Variants in OSBPL3 observed in about 807,000 individuals in gnomAD.
The protein encoded by OSBPL3 is oxysterol-binding protein-related protein 3.
Under a neutral mutation model 120.1 loss-of-function variants are expected in OSBPL3, and 65 were observed. The ratio of observed to expected loss-of-function variants is 0.54; its 90% CI spans 0.44 to 0.67. The LOEUF (loss-of-function observed/expected upper bound fraction) is 0.67. OSBPL3 is among the 30% of genes least tolerant of loss of function. The pLI is 0.00. For synonymous variants in OSBPL3, 416 were observed against 402.6 expected, an observed-to-expected ratio of 1.03 and a Z score of -0.40; for missense variants, 1,004 against 1,082.1, an observed-to-expected ratio of 0.93 and a Z score of 1.01.
Position 24,894,910 on chromosome 7 carries a change from CCAATAGCTAT to C in OSBPL3, c.-149-2299_-149-2290del, listed in dbSNP as rs1805907258. On this transcript the variant is annotated intron_variant, in intron 1 of 22. Coordinates refer to ENST00000313367, the MANE Select transcript of OSBPL3 (RefSeq NM_015550.4). This position sits in a 1 kb window ranked among gnomAD's most constrained non-coding sequence, Gnocchi z 4.1. Reference sequence around the variant, plus strand: ...ACAGCCAGGACTTAGTAGGCCAAATCCAATAGCTATCAAAGTTGGCACTTAGAGCCAAGGG... The same window carrying C: ...ACAGCCAGGACTTAGTAGGCCAAATCCAAAGTTGGCACTTAGAGCCAAGGG... Among the ~76,000 whole-genome samples, 1 of 152,266 alleles carries C rather than the reference CCAATAGCTAT, an allele frequency of 6.6e-6. No individual in the cohort carries two copies. The highest frequency in any genetic ancestry group is 1.9e-4 in the East Asian group (1 of 5,166).
intron 1 of OSBPL3, among the ~76,000 whole-genome samples, chr7:24,905,790 G>C (rs1256890703): frequency 6.6e-6 from 1 of 152,194 alleles, no homozygotes; most frequent in Non-Finnish European, 1.5e-5. Context: ...CAGCACTTCG[G>C]GAGGCCGAGG....
At chr7:24,904,240 A>G (rs1414620483) in intron 1 of OSBPL3, among the ~76,000 whole-genome samples, 1 of 152,190 alleles carries the variant, frequency 6.6e-6, no homozygotes, top group East Asian at 1.9e-4. Flanking sequence ...CCTAACAAAG[A>G]CAGTAGTTTT....
intron 22 of OSBPL3, among the ~76,000 whole-genome samples, chr7:24,801,863 T>G (rs1331739901): frequency 6.6e-6 from 1 of 152,254 alleles, no homozygotes; most frequent in Non-Finnish European, 1.5e-5. Context: ...TATACAGTTG[T>G]ATGATATTCC....
chr7:24,829,827 T>C lies in OSBPL3; in HGVS notation c.1884+941A>G, dbSNP rs554098771. Among the ~76,000 whole-genome samples, 6 of 152,324 alleles carry C rather than the reference T, an allele frequency of 3.9e-5. No individual in the cohort carries two copies. The East Asian group carries it at 5.8e-4, about 15-fold the overall frequency. ...TCTATTTTAGGTAAATAATCCCCTGTTGACAAGCATTTTAGATGTTCCCAA... is the reference window on the plus strand; with the variant it reads ...TCTATTTTAGGTAAATAATCCCCTGCTGACAAGCATTTTAGATGTTCCCAA... On this transcript the variant is annotated intron_variant, in intron 16 of 22. Transcript: ENST00000313367.
intron 1 of OSBPL3, among the ~76,000 whole-genome samples, chr7:24,923,590 G>C (rs1422492724): frequency 6.6e-6 from 1 of 152,050 alleles, no homozygotes; most frequent in Non-Finnish European, 1.5e-5. Context: ...GAGACTAAAA[G>C]ATAAGAGAGA....
chr7:24,907,776 G>T (rs1211545996), intron 1 of OSBPL3, among the ~76,000 whole-genome samples: 1 of 152,176 alleles, frequency 6.6e-6, no homozygotes, highest in African/African-American at 2.4e-5. Flanking sequence ...CTACCTGAAA[G>T]TATTAGTCAC....
rs943279514 is a variant in OSBPL3 at position 24,819,636 on chromosome 7, A to C, written c.1948+539T>G. ...ATGTATATGTGCTCACTGTCCAAAA[A>C]CCTAGGATGCTTATATGTTCCTTCT... On this transcript the variant is annotated intron_variant, in intron 17 of 22. Coordinates refer to ENST00000313367, the MANE Select transcript of OSBPL3 (RefSeq NM_015550.4). The surrounding 1 kb of genome is among the most constrained non-coding windows in gnomAD (Gnocchi z 4.1). 6.6e-6 allele frequency among the ~76,000 whole-genome samples: 1 copy of C among 152,094 alleles called. No individual in the cohort carries two copies. Among genetic ancestry groups the C allele is most frequent in the Non-Finnish European group, 1.5e-5 (1 of 68,024 alleles).
Position 24,879,277 on chromosome 7 carries a change from C to A in OSBPL3, c.97-7208G>T, listed in dbSNP as rs1024474461. On this transcript the variant is annotated intron_variant, in intron 2 of 22. Transcript: ENST00000313367. This position sits in a 1 kb window ranked among gnomAD's most constrained non-coding sequence, Gnocchi z 5.6. ...AGCAGCATTTGCATTAGCTCTATAA[C>A]CTCAAGTACAATCCCTGACTTTGGG... is the stretch of plus-strand genomic sequence containing the variant. 6.6e-6 allele frequency among the ~76,000 whole-genome samples: 1 copy of A among 152,186 alleles called. No homozygotes were observed. Among genetic ancestry groups the A allele is most frequent in the African/African-American group, 2.4e-5 (1 of 41,446 alleles).
In OSBPL3 at chr7:24,869,999, C is replaced by T. The variant is rs371419685; in HGVS notation, c.381+733G>A. Among the ~76,000 whole-genome samples the T allele has an allele frequency of 1.2e-4, 19 of 152,326 alleles. 1 individual carries two copies. The highest frequency in any genetic ancestry group is 4.6e-4 in the Admixed American group (7 of 15,308). On this transcript the variant is annotated intron_variant, in intron 5 of 22. Coordinates refer to ENST00000313367, the MANE Select transcript of OSBPL3 (RefSeq NM_015550.4). ...ACAAGCACATACAATAACTAAACTT[C>T]CTGAGTTTACACTGGGCCAGGCACT...
chr7:24,860,050 T>G (rs984345668), intron 10 of OSBPL3, among the ~76,000 whole-genome samples: 6 of 151,998 alleles, frequency 3.9e-5, no homozygotes, highest in Admixed American at 2.0e-4. Context: ...AACGTGGGAG[T>G]TGACATTAGT....
At position 24,822,965 on chromosome 7, in the gene OSBPL3, G is replaced by A. The variant is rs935838451; in HGVS notation, c.1885-2727C>T. Among the ~76,000 whole-genome samples, 1 of 152,146 alleles carries A rather than the reference G, an allele frequency of 6.6e-6. No homozygotes were observed. Among genetic ancestry groups the A allele is most frequent in the Non-Finnish European group, 1.5e-5 (1 of 68,024 alleles). ...ATGGCTTACACAGGCCTTTGGGAATGGTTTATTTGGCCCACATTGCTTTTA... is the reference window on the plus strand; with the variant it reads ...ATGGCTTACACAGGCCTTTGGGAATAGTTTATTTGGCCCACATTGCTTTTA... On this transcript the variant is annotated intron_variant, in intron 16 of 22. Coordinates refer to ENST00000313367, the MANE Select transcript of OSBPL3 (RefSeq NM_015550.4). This position sits in a 1 kb window ranked among gnomAD's most constrained non-coding sequence, Gnocchi z 5.8.
chr7:24,878,173 A>G (rs1483209343), intron 2 of OSBPL3, among the ~76,000 whole-genome samples: 1 of 152,236 alleles, frequency 6.6e-6, no homozygotes, highest in Non-Finnish European at 1.5e-5. Flanking sequence ...GCACGAATTG[A>G]AAGCACTTCC....
At chr7:24,893,170 A>T (rs1805619662) in intron 1 of OSBPL3, among the ~76,000 whole-genome samples, 1 of 152,254 alleles carries the variant, frequency 6.6e-6, no homozygotes, top group Non-Finnish European at 1.5e-5. Flanking sequence ...AAAAAGTTGC[A>T]GACCAATGTT....
chr7:24,840,618 A>G (rs1797624384), intron 14 of OSBPL3, 72 bp downstream of exon 14: 1 of 622,306 alleles, frequency 1.6e-6, no homozygotes, highest in African/African-American at 1.9e-5. Context: ...ATTGTTCAAG[A>G]GTCAACTATA....
At chr7:24,875,915 T>A (rs1802777629) in intron 2 of OSBPL3, among the ~76,000 whole-genome samples, 1 of 152,142 alleles carries the variant, frequency 6.6e-6, no homozygotes, top group Admixed American at 6.5e-5. Flanking sequence ...TGGTACAAAT[T>A]CTGTGTGCTG....
In OSBPL3 at chr7:24,815,068, A is replaced by G. The variant is rs774060270; in HGVS notation, c.2163T>C (p.Asn721=). 4 of 1,614,130 alleles carry G rather than the reference A, an allele frequency of 2.5e-6. No homozygotes were observed. In the South Asian group the frequency reaches 4.4e-5, roughly 18 times the overall value. ...LHDDSCYCKV[N]FIKAKYWSTN... is the part of the protein sequence containing the mutation. ...GAGTCACTGGAGTTACCTTTATAAA[A>G]TTCACTTTGCAGTAGCAGGAATCAT... The change falls in exon 19 of 23, where the codon AAT becomes AAC. Residue 721 remains asparagine, a synonymous_variant. Transcript: ENST00000313367. The surrounding 1 kb of genome is among the most constrained non-coding windows in gnomAD (Gnocchi z 5.1).
chr7:24,877,384 A>T lies in OSBPL3; in HGVS notation c.97-5315T>A, dbSNP rs1802997299. ...TTAGCCTGTGCATTTTAAGGCTGCC[A>T]AGTCTTCGCCATTCATTTTTTTTCA... On this transcript the variant is annotated intron_variant, in intron 2 of 22. Coordinates refer to ENST00000313367, the MANE Select transcript of OSBPL3 (RefSeq NM_015550.4). The surrounding 1 kb of genome is among the most constrained non-coding windows in gnomAD (Gnocchi z 4.8). Among the ~76,000 whole-genome samples, 1 of 152,140 alleles carries T rather than the reference A, an allele frequency of 6.6e-6. No homozygotes were observed. Among genetic ancestry groups the T allele is most frequent in the South Asian group, 2.1e-4 (1 of 4,826 alleles).
At chr7:24,823,979 G>T (rs1168557718) in intron 16 of OSBPL3, among the ~76,000 whole-genome samples, 2 of 152,088 alleles carry the variant, frequency 1.3e-5, no homozygotes, top group South Asian at 2.1e-4. Flanking sequence ...AGGCAAAAAG[G>T]GCAGTAAATG....
At chr7:24,974,655 A>T (rs1437703604) in intron 1 of OSBPL3, among the ~76,000 whole-genome samples, 2 of 152,250 alleles carry the variant, frequency 1.3e-5, no homozygotes, top group East Asian at 3.8e-4. Context: ...ATGGGGTATT[A>T]CTAGGCAATA....
Sources: gnomAD v4.1 joint callset for allele counts (sites outside exome capture counted in the v4.1 genomes callset) on GRCh38, gnomAD v4.1.1 for gene constraint, Gnocchi (gnomAD v3.1) non-coding constraint, MANE v1.5 for transcripts, NCBI Gene and HGNC (gene_info 2026-07-23, HGNC 2026-07-21) for gene names.